The following SPOP variants were observed in gnomAD, a reference collection of about 807,000 sequenced individuals.
The protein encoded by SPOP is speckle type BTB/POZ protein, also known as speckle-type POZ protein.
A neutral mutation model predicts 45.6 loss-of-function variants in SPOP; 11 were observed. The observed-to-expected ratio is 0.24, with a 90% confidence interval of 0.15 to 0.40. The LOEUF (loss-of-function observed/expected upper bound fraction) is 0.40. Ranked by LOEUF, SPOP falls within the 10% of genes least tolerant of loss-of-function variation. SPOP has a pLI of 1.00. For synonymous variants in SPOP, 166 were observed against 166.3 expected (o/e 1.00, Z 0.01); for missense variants, 152 against 465.6 (o/e 0.33, Z 6.20).
intron 1 of SPOP, among the ~76,000 whole-genome samples, chr17:49,629,777 C>T (rs2072414341): frequency 6.6e-6 from 1 of 152,162 alleles, no homozygotes; most frequent in South Asian, 2.1e-4. Flanking sequence ...GTCTAATCTA[C>T]TTATCCAGAG....
chr17:49,628,344 G>A (rs902982087), intron 1 of SPOP, among the ~76,000 whole-genome samples: 13 of 152,150 alleles, frequency 8.5e-5, no homozygotes, highest in African/African-American at 3.1e-4. Context: ...AAATATCTCT[G>A]TCAACTGTAA....
rs1203565163 is a variant in SPOP at position 49,633,651 on chromosome 17, A to G, written c.-66-10775T>C. ...TTGATATAAACATGTTAGCAAAATT[A>G]TTTACCCCAAAAATATGTCCAGGAA... is the stretch of plus-strand genomic sequence containing the variant. On this transcript the variant is annotated intron_variant, in intron 1 of 9. Coordinates refer to ENST00000504102, the MANE Select transcript of SPOP (RefSeq NM_001007228.2). Among the ~76,000 whole-genome samples, 4 of 152,246 alleles carry G rather than the reference A, an allele frequency of 2.6e-5. No individual in the cohort carries two copies. The South Asian group carries it at 8.3e-4, about 32-fold the overall frequency.
intron 1 of SPOP, among the ~76,000 whole-genome samples, chr17:49,649,982 C>A (rs1280011215): frequency 6.6e-6 from 1 of 151,676 alleles, no homozygotes; most frequent in Non-Finnish European, 1.5e-5. Flanking sequence ...ACCTCCACCT[C>A]CCAGGTTCAA....
chr17:49,637,112 C>G (rs898641551), intron 1 of SPOP, among the ~76,000 whole-genome samples: 1 of 151,986 alleles, frequency 6.6e-6, no homozygotes, highest in Non-Finnish European at 1.5e-5. Context: ...ACTTAGGAGG[C>G]TGAGGCACAA....
At chr17:49,614,802 A>AGT (rs60134980) in intron 5 of SPOP, among the ~76,000 whole-genome samples, 4,885 of 147,008 alleles carry the variant, frequency 0.033, 220 homozygotes, top group African/African-American at 0.1. Context: ...CATGCTATGA[A>AGT]GTGTGTGTGT....
intron 2 of SPOP, 156 bp downstream of exon 2, chr17:49,622,577 A>T: frequency 1.5e-6 from 1 of 652,068 alleles, no homozygotes; most frequent in Non-Finnish European, 2.6e-6. Flanking sequence ...ATGGAAAACT[A>T]AGGAACCTGA....
At chr17:49,646,862 C>T (rs1333277350) in intron 1 of SPOP, among the ~76,000 whole-genome samples, 1 of 152,094 alleles carries the variant, frequency 6.6e-6, no homozygotes, top group Non-Finnish European at 1.5e-5. Flanking sequence ...CTTTGCAATT[C>T]CTTTGGGGTG....
At chr17:49,672,152 A>G (rs1359368127) in intron 1 of SPOP, among the ~76,000 whole-genome samples, 1 of 152,210 alleles carries the variant, frequency 6.6e-6, no homozygotes, top group Non-Finnish European at 1.5e-5. Context: ...AAAAAAAATT[A>G]TAATTTATTC....
intron 8 of SPOP, among the ~76,000 whole-genome samples, chr17:49,606,901 A>G (rs2071863250): frequency 6.6e-6 from 1 of 152,164 alleles, no homozygotes; most frequent in African/African-American, 2.4e-5. Flanking sequence ...ATAAACTCAA[A>G]AACATTTTGT....
chr17:49,607,972 G>T, intron 6 of SPOP, 43 bp from the exon 7 acceptor site: 1 of 1,591,342 alleles, frequency 6.3e-7, no homozygotes. Flanking sequence ...CTATCACAGT[G>T]AAATCTCTTG....
intron 1 of SPOP, among the ~76,000 whole-genome samples, chr17:49,639,332 T>A (rs765377507): frequency 2.6e-5 from 4 of 152,122 alleles, no homozygotes; most frequent in Admixed American, 6.5e-5. Context: ...GAGAACAAAC[T>A]GGTACCACCA....
intron 1 of SPOP, among the ~76,000 whole-genome samples, chr17:49,628,935 G>T (rs1394092545): frequency 6.6e-6 from 1 of 152,042 alleles, no homozygotes; most frequent in Non-Finnish European, 1.5e-5. Context: ...TGGAACTCAA[G>T]GAATTCAGTA....
rs905797570 is a variant in SPOP at position 49,666,460 on chromosome 17, C to G, written c.-67+11473G>C. Among the ~76,000 whole-genome samples, 171 of 149,330 alleles carry G rather than the reference C, an allele frequency of 1.1e-3. 2 individuals carry two copies. The highest frequency in any genetic ancestry group is 3.8e-3 in the African/African-American group (153 of 40,352). ...CTTCATGAAGACAGACACACACACA[C>G]ACACACACACACACACACACACACA... On this transcript the variant is annotated intron_variant, in intron 1 of 9. Coordinates refer to ENST00000504102, the MANE Select transcript of SPOP (RefSeq NM_001007228.2).
intron 1 of SPOP, among the ~76,000 whole-genome samples, chr17:49,674,479 T>C (rs2073175779): frequency 6.6e-6 from 1 of 152,226 alleles, no homozygotes; most frequent in African/African-American, 2.4e-5. Context: ...CTTCTAGGTT[T>C]TCCAACAAGA....
chr17:49,667,594 G>GA (rs1393993865), intron 1 of SPOP, among the ~76,000 whole-genome samples: 2 of 151,802 alleles, frequency 1.3e-5, no homozygotes, highest in East Asian at 3.9e-4. Context: ...ATCTCAACAG[G>GA]AAAAAAAGAA....
chr17:49,611,776 A>G (rs141867465), intron 5 of SPOP, among the ~76,000 whole-genome samples: 44 of 152,214 alleles, frequency 2.9e-4, no homozygotes, highest in African/African-American at 1.1e-3. Flanking sequence ...AAACTAACAG[A>G]AACAAATGTT....
chr17:49,673,860 C>T (rs933321847), intron 1 of SPOP, among the ~76,000 whole-genome samples: 4 of 151,656 alleles, frequency 2.6e-5, no homozygotes, highest in Non-Finnish European at 5.9e-5. Context: ...AAGATTACAT[C>T]TTTGGGCCGG....
chr17:49,652,107 C>A (rs769765206), intron 1 of SPOP, among the ~76,000 whole-genome samples: 1 of 152,042 alleles, frequency 6.6e-6, no homozygotes, highest in Admixed American at 6.6e-5. Flanking sequence ...GCTCCAAAAT[C>A]CAAAACTTTT....
At chr17:49,673,047 A>C (rs903837249) in intron 1 of SPOP, among the ~76,000 whole-genome samples, 4 of 152,216 alleles carry the variant, frequency 2.6e-5, no homozygotes, top group Non-Finnish European at 5.9e-5. Context: ...TGTCATCTTC[A>C]AGACAATTGG....
Sources: allele counts gnomAD v4.1 joint callset (sites outside exome capture counted in the v4.1 genomes callset), GRCh38; gene constraint gnomAD v4.1.1; transcripts MANE v1.5; gene names NCBI Gene and HGNC (gene_info 2026-07-23, HGNC 2026-07-21).